Variants in CELF2 observed in about 807,000 individuals in gnomAD.
CELF2 encodes CUGBP Elav-like family member 2.
CELF2 carries 8 observed loss-of-function variants against 62.6 expected under a neutral mutation model. The observed-to-expected ratio is 0.13, with a 90% CI of 0.07 to 0.23. The LOEUF is 0.23. CELF2 is among the 10% of genes least tolerant of loss of function. CELF2 has a pLI of 1.00. For synonymous variants in CELF2, 258 were observed against 250.0 expected (o/e 1.03, Z -0.30); for missense variants, 333 against 671.0 (o/e 0.50, Z 5.56).
rs981080932 is a variant in CELF2 at position 11,211,799 on chromosome 10, A to T, written c.272-5626A>T. Reference sequence around the variant, plus strand: ...GTGTGTGTGTATGTGTGTGAGAGAGAGAGAGAGAGAGAGAGTGTGTGTGTG... The same window carrying T: ...GTGTGTGTGTATGTGTGTGAGAGAGTGAGAGAGAGAGAGAGTGTGTGTGTG... On this transcript the variant is annotated intron_variant, in intron 2 of 12. Coordinates refer to ENST00000633077, the MANE Select transcript of CELF2 (RefSeq NM_001326342.2). This position sits in a 1 kb window ranked among gnomAD's most constrained non-coding sequence, Gnocchi z 4.8. Among the ~76,000 whole-genome samples, 5 of 113,774 alleles carry T rather than the reference A, an allele frequency of 4.4e-5. No homozygotes were observed. Among genetic ancestry groups the T allele is most frequent in the African/African-American group, 2.0e-4 (5 of 24,422 alleles). 74.6% of individuals were successfully genotyped at this position (113,774 alleles called of 152,430 possible).
At chr10:11,167,947 C>A (rs1009768156) in intron 2 of CELF2, among the ~76,000 whole-genome samples, 1 of 152,120 alleles carries the variant, frequency 6.6e-6, no homozygotes, top group African/African-American at 2.4e-5. Context: ...AGTGGAGATT[C>A]GGACATGGTC....
At chr10:10,835,699 A>G (rs1057006953) in intron 1 of CELF2, among the ~76,000 whole-genome samples, 14 of 152,134 alleles carry the variant, frequency 9.2e-5, no homozygotes, top group South Asian at 2.1e-4. Flanking sequence ...ATTGATTTTT[A>G]AATGTGTGCA....
chr10:11,240,522 C>T (rs2073465129), intron 3 of CELF2, among the ~76,000 whole-genome samples: 4 of 152,226 alleles, frequency 2.6e-5, no homozygotes, highest in Admixed American at 2.0e-4. Context: ...TTTTGAACCT[C>T]TGGATCCAAG....
At chr10:10,785,871 G>A in the CELF2 span, among the ~76,000 whole-genome samples, 1 of 152,170 alleles carries the variant, frequency 6.6e-6, no homozygotes, top group African/African-American at 2.4e-5. Context: ...TGCTGAGAGT[G>A]TAGAATTTAA....
intron 7 of CELF2, among the ~76,000 whole-genome samples, chr10:11,274,281 C>G (rs975477141): frequency 1.3e-5 from 2 of 152,186 alleles, no homozygotes; most frequent in Non-Finnish European, 2.9e-5. Context: ...TGCGGTTCAG[C>G]TGAGTTGGAC....
At chr10:11,320,620 C>G (rs984477653) in intron 10 of CELF2, among the ~76,000 whole-genome samples, 2 of 152,148 alleles carry the variant, frequency 1.3e-5, no homozygotes. Flanking sequence ...AGTCCGTTTT[C>G]CCACACTGTA....
At chr10:10,796,787 T>G (rs988080407), upstream of CELF2, 1 of 586,452 alleles carries the variant, frequency 1.7e-6, no homozygotes, top group Non-Finnish European at 2.2e-6. Context: ...TACTTGGAGA[T>G]TAAAAGTGTT....
At chr10:10,626,729 T>C in the CELF2 span, among the ~76,000 whole-genome samples, 1 of 152,246 alleles carries the variant, frequency 6.6e-6, no homozygotes, top group African/African-American at 2.4e-5. Flanking sequence ...GTGTACTTCA[T>C]TGACACCTTA....
At chr10:10,736,396 C>CT in the CELF2 span, among the ~76,000 whole-genome samples, 768 of 75,966 alleles carry the variant, frequency 0.01, 15 homozygotes, top group African/African-American at 0.026. Flanking sequence ...TTCTTTCTTT[C>CT]TTTTTTTTTT....
the CELF2 span, among the ~76,000 whole-genome samples, chr10:10,565,598 G>C: frequency 2.6e-5 from 4 of 152,166 alleles, 1 homozygote; most frequent in Non-Finnish European, 5.9e-5. Flanking sequence ...ACCATGAGAA[G>C]ACTCTCTGGG....
chr10:10,944,211 T>A (rs1405763358), intron 2 of CELF2: 2 of 152,804 alleles, frequency 1.3e-5, no homozygotes, highest in East Asian at 3.9e-4. Context: ...GACACTTCAA[T>A]GCATGTATTA....
At chr10:10,940,240 G>C (rs1010465373) in intron 2 of CELF2, among the ~76,000 whole-genome samples, 1 of 152,062 alleles carries the variant, frequency 6.6e-6, no homozygotes, top group African/African-American at 2.4e-5. Context: ...TTATACCCGG[G>C]TTTTTTTGTT....
rs2096039010 is a variant in CELF2, at chr10:11,332,192, T to C, written c.*3139T>C. 1 of 152,224 alleles carries C rather than the reference T, an allele frequency of 6.6e-6. No homozygotes were observed. Among genetic ancestry groups the C allele is most frequent in the South Asian group, 2.1e-4 (1 of 4,832 alleles). The allele number at this position is 152,224 out of a possible 1,614,324, so 9.4% of individuals were successfully genotyped here. A position where few individuals can be genotyped will look rare whatever the true frequency, so the allele number is the denominator to read the frequency against. ...AGGTAGATTCAGCACCTAACAATCC[T>C]GTATGCTTTTGAGATCACGTTTAGT... On this transcript the variant is annotated 3_prime_UTR_variant, in exon 13 of 13. Coordinates refer to ENST00000633077, the MANE Select transcript of CELF2 (RefSeq NM_001326342.2).
rs146144535 is a variant in CELF2, at chr10:10,982,651, T to A, written c.89+62652T>A. Reference sequence around the variant, plus strand: ...GTGCTTTCTTCCTATTACCCTGTAGTTCCAGCTTTGATCTGAAGGGAAGAA... The same window carrying A: ...GTGCTTTCTTCCTATTACCCTGTAGATCCAGCTTTGATCTGAAGGGAAGAA... On this transcript the variant is annotated intron_variant, in intron 2 of 13. Transcript: ENST00000636488. Among the ~76,000 whole-genome samples the A allele has an allele frequency of 7.2e-3, 1,097 of 152,340 alleles. 13 individuals are homozygous for A. The highest frequency in any genetic ancestry group is 0.025 in the African/African-American group (1,047 of 41,586).
At chr10:10,797,613 T>A (rs1030570929), upstream of CELF2, among the ~76,000 whole-genome samples, 6 of 152,204 alleles carry the variant, frequency 3.9e-5, no homozygotes, top group Non-Finnish European at 7.3e-5. Flanking sequence ...AAAGCTCATG[T>A]TGCAGGCAGC....
the CELF2 span, among the ~76,000 whole-genome samples, chr10:10,767,826 C>T: frequency 6.6e-6 from 1 of 151,708 alleles, no homozygotes; most frequent in Non-Finnish European, 1.5e-5. Flanking sequence ...GAAACCCCGT[C>T]TCTACTAAAA....
chr10:10,598,741 C>CTTTCTT, the CELF2 span, among the ~76,000 whole-genome samples: 5 of 85,870 alleles, frequency 5.8e-5, no homozygotes, highest in Non-Finnish European at 1.4e-4. Flanking sequence ...TTTTCTTTTT[C>CTTTCTT]TTTTTCTTTC....
the CELF2 span, among the ~76,000 whole-genome samples, chr10:10,584,511 T>C: frequency 1.3e-5 from 2 of 152,188 alleles, no homozygotes; most frequent in South Asian, 4.1e-4. Flanking sequence ...GTTTTCAGTT[T>C]TGTCTGCCTA....
At chr10:10,643,101 A>T in the CELF2 span, among the ~76,000 whole-genome samples, 48 of 152,262 alleles carry the variant, frequency 3.2e-4, no homozygotes, top group African/African-American at 1.1e-3. Context: ...ACTCCCCATC[A>T]TGCTGAACAG....
Sources: gnomAD v4.1 joint callset for allele counts (sites outside exome capture counted in the v4.1 genomes callset) on GRCh38, gnomAD v4.1.1 for gene constraint, Gnocchi (gnomAD v3.1) non-coding constraint, MANE v1.5 for transcripts, NCBI Gene and HGNC (gene_info 2026-07-23, HGNC 2026-07-21) for gene names.